The following POLN variants were observed in gnomAD, a reference collection of about 807,000 sequenced individuals.
The protein encoded by POLN is DNA polymerase N.
POLN carries 108 observed loss-of-function variants against 113.5 expected under a neutral mutation model. The ratio of observed to expected loss-of-function variants is 0.95; its 90% CI spans 0.81 to 1.12. POLN has a LOEUF of 1.12. Among genes scored for constraint, POLN ranks in the 50% most tolerant of loss-of-function variants. The pLI is 0.00. For synonymous variants in POLN, 386 were observed against 391.5 expected, an observed-to-expected ratio of 0.99 and a Z score of 0.17; for missense variants, 1,097 against 1,077.1, an observed-to-expected ratio of 1.02 and a Z score of -0.26.
rs769259636 is a variant in POLN at position 2,170,667 on chromosome 4, C to G, written c.1554+12G>C. 1 of 1,607,268 alleles carries G rather than the reference C, an allele frequency of 6.2e-7. No homozygotes were observed. The highest frequency in any genetic ancestry group is 2.2e-5 in the East Asian group (1 of 44,840). On this transcript the variant is annotated intron_variant, in intron 13 of 25. Transcript: ENST00000511885. ...CATTCTAAAAAGAAAAAGGATAACT[C>G]TGAAACCTTACCACTGCTTCTGATG... is the stretch of plus-strand genomic sequence containing the variant.
intron 16 of POLN, among the ~76,000 whole-genome samples, chr4:2,148,311 A>G (rs1267969744): frequency 1.3e-5 from 2 of 152,158 alleles, no homozygotes; most frequent in African/African-American, 4.8e-5. Flanking sequence ...GGACAAATTG[A>G]CCTAATATAT....
intron 11 of POLN, among the ~76,000 whole-genome samples, chr4:2,173,307 C>T (rs1427825782): frequency 6.6e-6 from 1 of 152,078 alleles, no homozygotes. Flanking sequence ...AAAATTTGTG[C>T]AGATGTATGA....
At chr4:2,077,406 C>G (rs956903375) in intron 23 of POLN, among the ~76,000 whole-genome samples, 1 of 152,238 alleles carries the variant, frequency 6.6e-6, no homozygotes, top group African/African-American at 2.4e-5. Context: ...TGGGCCCAGA[C>G]AGCGGTACAC....
chr4:2,168,270 A>G (rs1191736823), intron 13 of POLN, among the ~76,000 whole-genome samples: 5 of 152,166 alleles, frequency 3.3e-5, no homozygotes, highest in African/African-American at 1.2e-4. Flanking sequence ...GGATTCATGG[A>G]GGAAAAGGGC....
In POLN at chr4:2,129,161, C is replaced by T. The variant is rs1464933192; in HGVS notation, c.1867+18G>A. ...TTGAACCCTATGAAAATGCATAAAG[C>T]AAGCTACAGCAACGTACCTGCTGCT... is the stretch of plus-strand genomic sequence containing the variant. On this transcript the variant is annotated intron_variant, in intron 18 of 25. Transcript: ENST00000511885. The T allele has an allele frequency of 3.9e-6, 6 of 1,541,668 alleles. No individual in the cohort carries two copies. The African/African-American group carries it at 4.1e-5, about 11-fold the overall frequency.
chr4:2,097,235 G>C (rs979667985), intron 19 of POLN, among the ~76,000 whole-genome samples: 1 of 152,260 alleles, frequency 6.6e-6, no homozygotes, highest in Middle Eastern at 3.4e-3. Flanking sequence ...ACTTCTTTTC[G>C]AGTAAGGTGT....
At chr4:2,224,951 G>C (rs1285434279) in intron 3 of POLN, among the ~76,000 whole-genome samples, 1 of 150,932 alleles carries the variant, frequency 6.6e-6, no homozygotes, top group African/African-American at 2.4e-5. Flanking sequence ...ACTCTGTCTT[G>C]GGAAAAAAAA....
intron 13 of POLN, among the ~76,000 whole-genome samples, chr4:2,160,740 T>A (rs1001995440): frequency 6.6e-6 from 1 of 152,194 alleles, no homozygotes; most frequent in Non-Finnish European, 1.5e-5. Context: ...CTTTTCATAA[T>A]TAGAGATTTT....
rs367551898 is a variant in POLN at position 2,199,375 on chromosome 4, C to G, written c.715-658G>C. ...TTATCCCCAAGTTAATCATTAGAAC[C>G]AAGAAGATCAATAAACCTCAAGTAC... On this transcript the variant is annotated intron_variant, in intron 5 of 25. Coordinates refer to ENST00000511885, the MANE Select transcript of POLN (RefSeq NM_181808.4). Among the ~76,000 whole-genome samples the G allele has an allele frequency of 5.3e-5, 8 of 151,932 alleles. No homozygotes were observed. In the South Asian group the frequency reaches 6.3e-4, roughly 12 times the overall value.
At chr4:2,174,264 C>G (rs1015229177) in intron 10 of POLN, among the ~76,000 whole-genome samples, 6 of 152,182 alleles carry the variant, frequency 3.9e-5, no homozygotes, top group African/African-American at 1.4e-4. Context: ...CCAGCCTGGC[C>G]CTTCCCACAC....
intron 16 of POLN, among the ~76,000 whole-genome samples, chr4:2,141,735 C>T (rs1732006181): frequency 6.6e-6 from 1 of 152,206 alleles, no homozygotes; most frequent in Non-Finnish European, 1.5e-5. Flanking sequence ...AAAACATGGG[C>T]AGCCTTGGTT....
chr4:2,198,514 G>C lies in POLN; in HGVS notation c.908+10C>G, dbSNP rs755792456. The C allele has an allele frequency of 2.5e-6, 4 of 1,603,244 alleles. No individual in the cohort carries two copies. Among genetic ancestry groups the C allele is most frequent in the Non-Finnish European group, 3.4e-6 (4 of 1,173,658 alleles). Reference sequence around the variant, plus strand: ...AGTAGGGTGTGAGCCCATGTGTGAAGATTTCTTACCGGGCAAATTGTTGAT... The same window carrying C: ...AGTAGGGTGTGAGCCCATGTGTGAACATTTCTTACCGGGCAAATTGTTGAT... On this transcript the variant is annotated intron_variant, in intron 6 of 25. Coordinates refer to ENST00000511885, the MANE Select transcript of POLN (RefSeq NM_181808.4).
chr4:2,192,392 C>A (rs1335316150), intron 7 of POLN, among the ~76,000 whole-genome samples: 1 of 151,964 alleles, frequency 6.6e-6, no homozygotes, highest in Non-Finnish European at 1.5e-5. Flanking sequence ...ACTCTGTCCC[C>A]CAGGCTGGAG....
chr4:2,189,214 A>T (rs1733371476), intron 7 of POLN, among the ~76,000 whole-genome samples: 1 of 136,954 alleles, frequency 7.3e-6, no homozygotes. Flanking sequence ...TTCTTCAATT[A>T]AAAGACATAG....
chr4:2,109,813 C>T (rs1344457518), intron 19 of POLN, among the ~76,000 whole-genome samples: 3 of 152,078 alleles, frequency 2.0e-5, no homozygotes, highest in Non-Finnish European at 4.4e-5. Context: ...GTCTTGCCTC[C>T]ATCTTGTTAT....
At chr4:2,084,348 G>C (rs1730500391) in intron 21 of POLN, among the ~76,000 whole-genome samples, 1 of 152,256 alleles carries the variant, frequency 6.6e-6, no homozygotes. Flanking sequence ...CAGGTCGCCA[G>C]CTCCATGAGA....
In POLN at chr4:2,201,474, A is replaced by T. The variant is rs1733713952; in HGVS notation, c.715-2757T>A. 4.0e-5 allele frequency among the ~76,000 whole-genome samples: 6 copies of T among 151,884 alleles called. No individual in the cohort carries two copies. The South Asian group carries it at 1.2e-3, about 31-fold the overall frequency. On this transcript the variant is annotated intron_variant, in intron 5 of 25. Coordinates refer to ENST00000511885, the MANE Select transcript of POLN (RefSeq NM_181808.4). ...TTCAGAGCTCAAAGACAAGGTTTTC[A>T]AATTAACCCAATCCAACAAAGACAA...
intron 3 of POLN, among the ~76,000 whole-genome samples, chr4:2,219,268 T>C (rs1248170574): frequency 6.6e-6 from 1 of 152,190 alleles, no homozygotes; most frequent in Non-Finnish European, 1.5e-5. Context: ...GGTCTCCAGG[T>C]ATCAATATCA....
chr4:2,085,754 A>C lies in POLN; in HGVS notation c.2066-10T>G. On this transcript the variant is annotated splice_polypyrimidine_tract_variant and intron_variant, in intron 20 of 25. Coordinates refer to ENST00000511885, the MANE Select transcript of POLN (RefSeq NM_181808.4). ...GCCAGCCGCTCCTTCCCTGTCAGTC[A>C]GAGAGACGCATGTCAAAGCCTCACT... 6.2e-7 allele frequency: 1 copy of C among 1,613,202 alleles called. No homozygotes were observed. Among genetic ancestry groups the C allele is most frequent in the East Asian group, 2.2e-5 (1 of 44,886 alleles).
Sources: gnomAD v4.1 joint callset for allele counts (sites outside exome capture counted in the v4.1 genomes callset) on GRCh38, gnomAD v4.1.1 for gene constraint, MANE v1.5 for transcripts, NCBI Gene and HGNC (gene_info 2026-07-23, HGNC 2026-07-21) for gene names.